NRG1: variants seen among roughly 807,000 people sequenced by gnomAD.
The protein encoded by NRG1 is pro-neuregulin-1, membrane-bound isoform.
Under a neutral mutation model 63.8 loss-of-function variants are expected in NRG1, and 18 were observed. The observed-to-expected ratio is 0.28, with a 90% confidence interval of 0.19 to 0.42. The LOEUF (loss-of-function observed/expected upper bound fraction) is 0.42, where lower values mean the gene tolerates loss of function less well. Ranked by LOEUF, NRG1 falls within the 10% of genes least tolerant of loss-of-function variation. The pLI is 1.00. For missense variants in NRG1, 762 were observed against 814.7 expected (o/e 0.94, Z 0.79); for synonymous variants, 302 against 301.3 (o/e 1.00, Z -0.02).
exon 9 of NRG1, chr8:32,756,484 G>T: frequency 6.2e-7 from 1 of 1,613,466 alleles, no homozygotes; most frequent in Non-Finnish European, 8.5e-7. Flanking sequence ...TTGCCAATGG[G>T]CCTCACCATC....
At chr8:31,887,828 T>C (rs1830839180) in intron 1 of NRG1, among the ~76,000 whole-genome samples, 1 of 151,954 alleles carries the variant, frequency 6.6e-6, no homozygotes, top group African/African-American at 2.4e-5. Context: ...ATATACAGAA[T>C]TTAGATTAGA....
rs116760289 is a variant in NRG1, at chr8:32,763,983, C to G, written c.1495C>G (p.His499Asp). ...TCACCCTCAGCAGTTCAGCTCCTTC[C>G]ACCACAACCCCGCGCATGACAGTAA... Residue 499 changes from histidine to aspartate, a missense_variant, in exon 12 of 12, where the codon CAC (histidine) becomes GAC (aspartate). Coordinates refer to ENST00000356819, the Ensembl canonical transcript of NRG1. 3.7e-6 allele frequency: 6 copies of G among 1,613,998 alleles called. 1 individual carries two copies. Among genetic ancestry groups the G allele is most frequent in the South Asian group, 3.3e-5 (3 of 91,082 alleles).
intron 1 of NRG1, among the ~76,000 whole-genome samples, chr8:31,767,390 A>T (rs147280981): frequency 6.6e-6 from 1 of 152,216 alleles, no homozygotes; most frequent in Non-Finnish European, 1.5e-5. Context: ...TGGAAAAATT[A>T]TATTTTCCTT....
chr8:31,951,636 A>G (rs432063), intron 1 of NRG1, among the ~76,000 whole-genome samples: 137,349 of 152,186 alleles, frequency 0.9, 62,803 homozygotes, highest in African/African-American at 0.98. Context: ...TGTCACTGCC[A>G]TGCTAGGAAA....
At chr8:32,028,090 A>T (rs893393871) in intron 1 of NRG1, among the ~76,000 whole-genome samples, 4 of 152,214 alleles carry the variant, frequency 2.6e-5, no homozygotes, top group Non-Finnish European at 5.9e-5. Context: ...CTAACATTTT[A>T]AAAATATAAT....
intron 1 of NRG1, among the ~76,000 whole-genome samples, chr8:31,963,462 C>T (rs746149328): frequency 1.9e-4 from 29 of 152,084 alleles, no homozygotes; most frequent in African/African-American, 2.9e-4. Flanking sequence ...TCAGTGCCTA[C>T]GGGTATAAGG....
At chr8:32,113,651 T>A (rs1292911710) in intron 1 of NRG1, among the ~76,000 whole-genome samples, 1 of 152,222 alleles carries the variant, frequency 6.6e-6, no homozygotes, top group Non-Finnish European at 1.5e-5. Flanking sequence ...GAAAGGTTAT[T>A]ACAAGGAACA....
At chr8:31,729,321 T>C (rs2131345045) in intron 1 of NRG1, among the ~76,000 whole-genome samples, 1 of 152,172 alleles carries the variant, frequency 6.6e-6, no homozygotes. Context: ...CCTTGGCAAG[T>C]AACATGTATT....
At chr8:31,780,645 T>C (rs755881155) in intron 1 of NRG1, among the ~76,000 whole-genome samples, 2 of 152,200 alleles carry the variant, frequency 1.3e-5, no homozygotes, top group Non-Finnish European at 2.9e-5. Flanking sequence ...TTAGCAAAGG[T>C]TCCTGCCATT....
Position 31,783,929 on chromosome 8 carries a change from A to G in NRG1, c.37+144498A>G, listed in dbSNP as rs940600931. On this transcript the variant is annotated intron_variant, in intron 1 of 10. Coordinates refer to the NRG1 transcript ENST00000519301. ...GCAAGGTGCTACTAACCTTCCATAC[A>G]TTTTCTTATACAATATTTATAAAAC... Among the ~76,000 whole-genome samples the G allele has an allele frequency of 7.9e-5, 12 of 152,138 alleles. 1 individual carries two copies. The highest frequency in any genetic ancestry group is 2.9e-4 in the African/African-American group (12 of 41,426).
At chr8:32,264,512 C>T (rs969580299) in intron 1 of NRG1, among the ~76,000 whole-genome samples, 1 of 152,094 alleles carries the variant, frequency 6.6e-6, no homozygotes, top group Non-Finnish European at 1.5e-5. Context: ...TTCAGAATTG[C>T]TGTGATATGC....
intron 1 of NRG1, among the ~76,000 whole-genome samples, chr8:31,764,435 T>C (rs2131536226): frequency 1.3e-5 from 2 of 152,266 alleles, no homozygotes; most frequent in Admixed American, 1.3e-4. Context: ...GCAACTACTA[T>C]TCCTATAATT....
At chr8:31,851,865 T>G (rs1251544888) in intron 1 of NRG1, among the ~76,000 whole-genome samples, 1 of 150,912 alleles carries the variant, frequency 6.6e-6, no homozygotes, top group African/African-American at 2.4e-5. Flanking sequence ...AGTGTCTGGT[T>G]TTTTGTTCTT....
At chr8:32,670,695 C>A (rs900511339) in intron 5 of NRG1, among the ~76,000 whole-genome samples, 2 of 152,076 alleles carry the variant, frequency 1.3e-5, no homozygotes, top group Admixed American at 1.3e-4. Flanking sequence ...ATATGTTACC[C>A]CCTAATACAC....
intron 1 of NRG1, among the ~76,000 whole-genome samples, chr8:32,523,861 ACT>A (rs1563581699): frequency 9.2e-5 from 14 of 152,160 alleles, no homozygotes; most frequent in South Asian, 4.1e-4. Context: ...TAACTAACTA[ACT>A]AACTAAATAA....
In NRG1 at chr8:31,718,732, C is replaced by T. The variant is rs555954515; in HGVS notation, c.37+79301C>T. Reference sequence around the variant, plus strand: ...TTTGGAATACTCTCAAATGATTATTCGAAATCAAGAAAAAGAGCCAATGAG... The same window carrying T: ...TTTGGAATACTCTCAAATGATTATTTGAAATCAAGAAAAAGAGCCAATGAG... On this transcript the variant is annotated intron_variant, in intron 1 of 10. Transcript: ENST00000519301. Among the ~76,000 whole-genome samples, 12 of 152,050 alleles carry T rather than the reference C, an allele frequency of 7.9e-5. No homozygotes were observed. In the South Asian group the frequency reaches 1.7e-3, roughly 21 times the overall value.
intron 1 of NRG1, among the ~76,000 whole-genome samples, chr8:31,781,798 T>G (rs181895094): frequency 6.8e-4 from 104 of 152,104 alleles, no homozygotes; most frequent in Non-Finnish European, 6.0e-4. Context: ...TTGCCAGCAG[T>G]GCTTAGCAAC....
At chr8:32,719,662 A>G (rs766697148) in intron 5 of NRG1, among the ~76,000 whole-genome samples, 3 of 152,054 alleles carry the variant, frequency 2.0e-5, no homozygotes, top group African/African-American at 4.8e-5. Context: ...ATTGGTTGCT[A>G]TATTTCCTAA....
intron 1 of NRG1, among the ~76,000 whole-genome samples, chr8:32,345,346 G>A (rs1198156050): frequency 6.6e-6 from 1 of 152,166 alleles, no homozygotes; most frequent in East Asian, 1.9e-4. Flanking sequence ...ATCCACAGAG[G>A]ACTCCATATT....
Sources: allele counts gnomAD v4.1 joint callset (sites outside exome capture counted in the v4.1 genomes callset), GRCh38; gene constraint gnomAD v4.1.1; transcripts MANE v1.5; gene names NCBI Gene and HGNC (gene_info 2026-07-23, HGNC 2026-07-21).